Variants in GRIK1 observed in about 807,000 individuals in gnomAD.
GRIK1 encodes glutamate receptor ionotropic, kainate 1.
A neutral mutation model predicts 105.7 loss-of-function variants in GRIK1; 69 were observed. The observed-to-expected ratio is 0.65, with a 90% CI of 0.54 to 0.80. The LOEUF (loss-of-function observed/expected upper bound fraction) is 0.80. Among genes scored for constraint, GRIK1 ranks in the 30% least tolerant of loss-of-function variants. The probability of loss-of-function intolerance (pLI) is 0.00; values close to 1 mark genes in which losing one functional copy is unlikely to be tolerated. For missense variants in GRIK1, 1,109 were observed against 1,167.3 expected, an observed-to-expected ratio of 0.95 and a Z score of 0.73; for synonymous variants, 438 against 431.3, an observed-to-expected ratio of 1.02 and a Z score of -0.19.
At chr21:29,689,138 G>T (rs1480092427) in intron 3 of GRIK1, among the ~76,000 whole-genome samples, 1 of 151,884 alleles carries the variant, frequency 6.6e-6, no homozygotes, top group Non-Finnish European at 1.5e-5. Flanking sequence ...AAGTTCAAAT[G>T]GGGGCGGGTC....
chr21:29,748,985 C>T (rs959573338), intron 1 of GRIK1: 5 of 152,152 alleles, frequency 3.3e-5, no homozygotes, highest in South Asian at 2.1e-4. Flanking sequence ...AGCAGAGCTC[C>T]GACTTTTCCA....
chr21:29,673,694 GGCTCAT>G (rs2063203210), intron 3 of GRIK1, among the ~76,000 whole-genome samples: 1 of 152,022 alleles, frequency 6.6e-6, no homozygotes, highest in Non-Finnish European at 1.5e-5. Context: ...ATTTGTAAAT[GGCTCAT>G]GCTCATTACA....
intron 1 of GRIK1, among the ~76,000 whole-genome samples, chr21:29,783,581 A>G (rs961800279): frequency 1.1e-4 from 17 of 152,060 alleles, no homozygotes; most frequent in African/African-American, 4.1e-4. Context: ...TAGCATTAAA[A>G]TTTTTCAATC....
chr21:29,833,859 C>T (rs533232561), intron 1 of GRIK1, among the ~76,000 whole-genome samples: 11 of 152,278 alleles, frequency 7.2e-5, no homozygotes, highest in South Asian at 2.1e-4. Flanking sequence ...TCTTAACTGC[C>T]ATGAATATGG....
At chr21:29,615,786 A>G (rs913263066) in intron 7 of GRIK1, among the ~76,000 whole-genome samples, 2 of 152,200 alleles carry the variant, frequency 1.3e-5, no homozygotes, top group East Asian at 3.8e-4. Flanking sequence ...AAATTTTCCA[A>G]CGTCAAAGGC....
At chr21:29,645,498 A>G (rs1455600075) in intron 6 of GRIK1, among the ~76,000 whole-genome samples, 1 of 152,214 alleles carries the variant, frequency 6.6e-6, no homozygotes, top group African/African-American at 2.4e-5. Context: ...GGCGGGCTCC[A>G]TATTGGGAAA....
At chr21:29,738,137 G>C (rs2064841284) in intron 1 of GRIK1, among the ~76,000 whole-genome samples, 1 of 152,228 alleles carries the variant, frequency 6.6e-6, no homozygotes. Flanking sequence ...CGTTGCACTG[G>C]GCAGACAGAG....
intron 1 of GRIK1, among the ~76,000 whole-genome samples, chr21:29,794,370 A>T (rs1478223475): frequency 1.3e-5 from 2 of 152,236 alleles, no homozygotes; most frequent in Non-Finnish European, 2.9e-5. Context: ...TAAAATCCAG[A>T]TCTGTACATG....
chr21:29,698,415 G>C (rs1486198082), intron 1 of GRIK1, among the ~76,000 whole-genome samples: 2 of 152,190 alleles, frequency 1.3e-5, no homozygotes, highest in Admixed American at 1.3e-4. Flanking sequence ...TGGGTGAAGG[G>C]AGAAGGCAGG....
chr21:29,796,975 GA>G (rs11349620), intron 1 of GRIK1, among the ~76,000 whole-genome samples: 138,836 of 147,848 alleles, frequency 0.94, 65,220 homozygotes, highest in East Asian at 1. Flanking sequence ...ACAAACAACA[GA>G]AAAAAAAAAA....
In GRIK1 at chr21:29,600,837, C is replaced by T. The variant is rs78485700; in HGVS notation, c.1099-1900G>A. ...ATTACTATCTCACGTTTAGCCTTTACTTGGCTGTGCTGTATTTCATTTTAC... is the reference window on the plus strand; with the variant it reads ...ATTACTATCTCACGTTTAGCCTTTATTTGGCTGTGCTGTATTTCATTTTAC... On this transcript the variant is annotated intron_variant, in intron 7 of 17. Coordinates refer to ENST00000327783, the MANE Select transcript of GRIK1 (RefSeq NM_001330994.2). 1.4e-3 allele frequency among the ~76,000 whole-genome samples: 218 copies of T among 152,278 alleles called. 1 individual carries two copies. The highest frequency in any genetic ancestry group is 2.5e-3 in the Non-Finnish European group (167 of 68,006).
chr21:29,854,284 G>T (rs146314231), intron 1 of GRIK1, among the ~76,000 whole-genome samples: 29 of 152,192 alleles, frequency 1.9e-4, no homozygotes, highest in African/African-American at 6.7e-4. Context: ...TGTACTCTTT[G>T]CTTTGGTGAT....
At chr21:29,710,871 T>C (rs562054292) in intron 1 of GRIK1, among the ~76,000 whole-genome samples, 5,920 of 133,238 alleles carry the variant, frequency 0.044, 174 homozygotes, top group Non-Finnish European at 0.067. Context: ...CTCTCCCTCC[T>C]CCCACCAACC....
At chr21:29,735,463 A>G (rs2064765134) in intron 1 of GRIK1, among the ~76,000 whole-genome samples, 1 of 152,288 alleles carries the variant, frequency 6.6e-6, no homozygotes, top group Admixed American at 6.5e-5. Flanking sequence ...TATGTCTTTA[A>G]TGTCTTCCTC....
chr21:29,734,386 CTTTTCTTTTCTTTTCT>C (rs2064723001), intron 1 of GRIK1, among the ~76,000 whole-genome samples: 2 of 89,948 alleles, frequency 2.2e-5, no homozygotes, highest in Admixed American at 2.8e-4. Flanking sequence ...CTTTTCTTTT[CTTTTCTTTTCTTTTCT>C]TTTCTTTTCT....
At chr21:29,560,516 C>CT (rs1568815453) in intron 15 of GRIK1, among the ~76,000 whole-genome samples, 2,121 of 47,042 alleles carry the variant, frequency 0.045, 209 homozygotes, top group Non-Finnish European at 0.056. Context: ...TCCTTCCTTC[C>CT]TTCCTTTCTT....
At chr21:29,644,896 A>G (rs958372068) in intron 6 of GRIK1, among the ~76,000 whole-genome samples, 1 of 152,222 alleles carries the variant, frequency 6.6e-6, no homozygotes, top group African/African-American at 2.4e-5. Flanking sequence ...AATTTTCACT[A>G]TAACCTTTAT....
intron 7 of GRIK1, among the ~76,000 whole-genome samples, chr21:29,623,824 G>A (rs2062061903): frequency 6.6e-6 from 1 of 152,130 alleles, no homozygotes; most frequent in Non-Finnish European, 1.5e-5. Context: ...TATAAAGTGT[G>A]GATTCTCCAA....
intron 3 of GRIK1, among the ~76,000 whole-genome samples, chr21:29,684,957 T>C (rs764435358): frequency 1.3e-5 from 2 of 152,230 alleles, no homozygotes; most frequent in Non-Finnish European, 2.9e-5. Context: ...ATCTATCATC[T>C]ACCTATCATG....
Sources: allele counts gnomAD v4.1 joint callset (sites outside exome capture counted in the v4.1 genomes callset), GRCh38; gene constraint gnomAD v4.1.1; transcripts MANE v1.5; gene names NCBI Gene and HGNC (gene_info 2026-07-23, HGNC 2026-07-21).